Variants in RBM27 observed in about 807,000 individuals in gnomAD.
RBM27 encodes RNA-binding protein 27.
In RBM27, 22 loss-of-function variants were observed where a neutral mutation model predicts 135.3. The observed-to-expected ratio is 0.16, with a 90% CI of 0.12 to 0.23. RBM27 has a LOEUF of 0.23. Ranked by LOEUF, RBM27 falls within the 10% of genes least tolerant of loss-of-function variation. The pLI, the probability that RBM27 is intolerant of heterozygous loss-of-function variation, is 1.00. For synonymous variants in RBM27, 481 were observed against 442.4 expected, an observed-to-expected ratio of 1.09 and a Z score of -1.10; for missense variants, 1,009 against 1,281.0, an observed-to-expected ratio of 0.79 and a Z score of 3.24.
intron 1 of RBM27, 60 bp downstream of exon 1, chr5:146,203,884 G>A (rs541759030): frequency 2.2e-6 from 3 of 1,386,566 alleles, no homozygotes; most frequent in African/African-American, 1.5e-5. Context: ...TCGCGGGGGC[G>A]TGGGGGAGGG....
chr5:146,223,380 T>G, intron 2 of RBM27, 23 bp from the exon 3 acceptor site: 1 of 1,569,070 alleles, frequency 6.4e-7, no homozygotes, highest in South Asian at 1.2e-5. Flanking sequence ...GCGCAATATG[T>G]AAATGTTATT....
chr5:146,237,442 T>G lies in RBM27; in HGVS notation c.1279+10T>G. 6.2e-7 allele frequency: 1 copy of G among 1,613,640 alleles called. No individual in the cohort carries two copies. The highest frequency in any genetic ancestry group is 8.5e-7 in the Non-Finnish European group (1 of 1,179,576). On this transcript the variant is annotated intron_variant, in intron 8 of 20. Coordinates refer to ENST00000265271, the MANE Select transcript of RBM27 (RefSeq NM_018989.2). ...TACACAGTATCAGAACGTAAGTACA[T>G]GTTGTTTGACTTAAAATTGACAGGG...
chr5:146,249,899 CA>C (rs1339795893), intron 8 of RBM27, among the ~76,000 whole-genome samples: 1 of 151,916 alleles, frequency 6.6e-6, no homozygotes, highest in Non-Finnish European at 1.5e-5. Context: ...ATCAACCTAC[CA>C]CCTAGGTATT....
At chr5:146,213,190 C>T (rs767496637) in intron 1 of RBM27, among the ~76,000 whole-genome samples, 2 of 152,014 alleles carry the variant, frequency 1.3e-5, no homozygotes, top group Non-Finnish European at 2.9e-5. Flanking sequence ...GCAACCACCG[C>T]CTCCCGGGTT....
chr5:146,228,489 C>T (rs1042010601), intron 3 of RBM27, among the ~76,000 whole-genome samples: 8 of 151,810 alleles, frequency 5.3e-5, no homozygotes, highest in Admixed American at 2.0e-4. Flanking sequence ...ACCATGTTGG[C>T]CATGCTGGTC....
Position 146,286,003 on chromosome 5 carries a change from A to G in RBM27, c.3156A>G (p.Glu1052=). 1 of 1,611,810 alleles carries G rather than the reference A, an allele frequency of 6.2e-7. No individual in the cohort carries two copies. The highest frequency in any genetic ancestry group is 1.7e-5 in the Admixed American group (1 of 59,614). ...LPDDDDEDED[E]YESRSWRR ...ATGATGACGATGAAGATGAAGATGA[A>G]TATGAGTCTCGCTCATGGCGAAGAT... The change falls in exon 21 of 21, where the codon GAA becomes GAG. Residue 1052 remains glutamate (E), a synonymous_variant. Coordinates refer to ENST00000265271, the MANE Select transcript of RBM27 (RefSeq NM_018989.2).
intron 3 of RBM27, among the ~76,000 whole-genome samples, chr5:146,224,739 C>A (rs1184203134): frequency 6.6e-6 from 1 of 151,980 alleles, no homozygotes; most frequent in African/African-American, 2.4e-5. Flanking sequence ...TGACGTCTAT[C>A]TAGATAAACT....
intron 3 of RBM27, among the ~76,000 whole-genome samples, chr5:146,226,713 A>AAAAC (rs1483394475): frequency 1.3e-5 from 2 of 152,172 alleles, no homozygotes; most frequent in African/African-American, 4.8e-5. Flanking sequence ...GTTTTAAAAA[A>AAAAC]AAACAAAACT....
At chr5:146,224,438 T>C (rs555191800) in intron 3 of RBM27, among the ~76,000 whole-genome samples, 2 of 152,240 alleles carry the variant, frequency 1.3e-5, no homozygotes, top group Admixed American at 6.5e-5. Context: ...TCCCAGTACT[T>C]TGGGAGGCTT....
At chr5:146,208,654 G>A (rs538986188) in intron 1 of RBM27, among the ~76,000 whole-genome samples, 1 of 152,222 alleles carries the variant, frequency 6.6e-6, no homozygotes, top group Non-Finnish European at 1.5e-5. Context: ...AGATGTCATG[G>A]TTTCTTTCTG....
Position 146,237,277 on chromosome 5 carries a change from CT to C in RBM27, c.1145-16del, listed in dbSNP as rs771518845. The stretch of plus-strand genomic sequence containing the variant: ...GGAAATATTAATGCTGTACTTTTCA[CT>C]TTTTGTTGTCTGTATGTAGGACCAC... On this transcript the variant is annotated intron_variant, in intron 7 of 20. Transcript: ENST00000265271. The C allele has an allele frequency of 7.4e-6, 12 of 1,613,582 alleles. No homozygotes were observed. The highest frequency in any genetic ancestry group is 9.3e-6 in the Non-Finnish European group (11 of 1,179,788).
rs1341294260 is a variant in RBM27 at position 146,223,506 on chromosome 5, A to G, written c.282A>G (p.Glu94=). ...CTGAGCCAAAACCACTAGTCCAAGA[A>G]AAAGAAGAAATTAAAGAAGAGGTAA... ...VKPEPKPLVQ[E]KEEIKEEVFQ... The change falls in exon 3 of 21, where the codon GAA becomes GAG. Residue 94 remains glutamate, a synonymous_variant. Transcript: ENST00000265271. The G allele has an allele frequency of 1.9e-6, 3 of 1,605,978 alleles. No individual in the cohort carries two copies. Among genetic ancestry groups the G allele is most frequent in the Non-Finnish European group, 2.5e-6 (3 of 1,177,434 alleles).
At chr5:146,232,891 C>T (rs1389445525) in intron 6 of RBM27, among the ~76,000 whole-genome samples, 1 of 152,136 alleles carries the variant, frequency 6.6e-6, no homozygotes, top group Non-Finnish European at 1.5e-5. Flanking sequence ...TCTTTATGTA[C>T]AAACGTGTTT....
chr5:146,242,745 C>CA (rs1757457847), intron 8 of RBM27, among the ~76,000 whole-genome samples: 1 of 152,006 alleles, frequency 6.6e-6, no homozygotes, highest in Non-Finnish European at 1.5e-5. Context: ...AGGCACATGC[C>CA]ACCAAGCCCG....
intron 3 of RBM27, among the ~76,000 whole-genome samples, chr5:146,226,001 T>C (rs1163552615): frequency 6.6e-6 from 1 of 150,942 alleles, no homozygotes; most frequent in African/African-American, 2.4e-5. Context: ...TAGCTGGGAT[T>C]ATAGGCCCTG....
chr5:146,217,428 A>G (rs1281386207), intron 1 of RBM27, among the ~76,000 whole-genome samples: 1 of 131,906 alleles, frequency 7.6e-6, no homozygotes, highest in Non-Finnish European at 1.6e-5. Context: ...TCATAAAGTT[A>G]TTGGAAATGT....
intron 11 of RBM27, among the ~76,000 whole-genome samples, chr5:146,260,299 C>T (rs78448660): frequency 1.6e-5 from 2 of 125,408 alleles, no homozygotes; most frequent in Non-Finnish European, 3.4e-5. Flanking sequence ...ACTCCGTCTA[C>T]AAAAAAAAAA....
At chr5:146,214,741 T>G (rs953369053) in intron 1 of RBM27, among the ~76,000 whole-genome samples, 18 of 152,242 alleles carry the variant, frequency 1.2e-4, no homozygotes, top group Non-Finnish European at 2.6e-4. Flanking sequence ...CAGAGCGTAC[T>G]TTATGGATAC....
intron 9 of RBM27, 126 bp from the exon 10 acceptor site, chr5:146,254,817 G>GACT: frequency 1.2e-6 from 1 of 816,070 alleles, no homozygotes; most frequent in Non-Finnish European, 1.8e-6. Flanking sequence ...ACTGAGAGGT[G>GACT]ACTGTAGGTT....
Sources: allele counts gnomAD v4.1 joint callset (sites outside exome capture counted in the v4.1 genomes callset), GRCh38; gene constraint gnomAD v4.1.1; transcripts MANE v1.5; gene names NCBI Gene and HGNC (gene_info 2026-07-23, HGNC 2026-07-21).